The following C10orf71 variants were observed in gnomAD, a reference collection of about 807,000 sequenced individuals.
C10orf71 encodes the protein cardiac-enriched FHL2-interacting protein.
For synonymous variants in C10orf71, 758 were observed against 726.3 expected, an observed-to-expected ratio of 1.04 and a Z score of -0.70; for missense variants, 1,869 against 1,804.5, an observed-to-expected ratio of 1.04 and a Z score of -0.65.
At chr10:49,309,013 G>A (rs1223712946) in intron 1 of C10orf71, among the ~76,000 whole-genome samples, 2 of 152,194 alleles carry the variant, frequency 1.3e-5, no homozygotes, top group African/African-American at 2.4e-5. Context: ...TCACAGCTCA[G>A]TTTCATCAGC....
intron 1 of C10orf71, among the ~76,000 whole-genome samples, chr10:49,315,518 G>A (rs532094201): frequency 6.6e-6 from 1 of 152,302 alleles, no homozygotes; most frequent in South Asian, 2.1e-4. Context: ...AGTGGGAAAA[G>A]GGCCTTGAGT....
rs193003856 is a variant in C10orf71 at position 49,313,571 on chromosome 10, A to G, written c.-247-2574A>G. On this transcript the variant is annotated intron_variant, in intron 1 of 2. Coordinates refer to ENST00000374144, the MANE Select transcript of C10orf71 (RefSeq NM_001135196.2). ...AGGAATGGGCTGCTGCAGTGGCCCAAGGATTTGAGAGAGCAGCTTGGTCCA... is the reference window on the plus strand; with the variant it reads ...AGGAATGGGCTGCTGCAGTGGCCCAGGGATTTGAGAGAGCAGCTTGGTCCA... Among the ~76,000 whole-genome samples, 17 of 152,300 alleles carry G rather than the reference A, an allele frequency of 1.1e-4. No homozygotes were observed. The East Asian group carries it at 3.1e-3, about 28-fold the overall frequency.
At chr10:49,317,578 C>A (rs952745302) in intron 2 of C10orf71, among the ~76,000 whole-genome samples, 1 of 152,170 alleles carries the variant, frequency 6.6e-6, no homozygotes, top group Admixed American at 6.5e-5. Context: ...GGGCAGAGCG[C>A]AGTGGCTTAT....
chr10:49,311,396 C>A (rs889222723), intron 1 of C10orf71, among the ~76,000 whole-genome samples: 1 of 152,214 alleles, frequency 6.6e-6, no homozygotes. Context: ...CAGCCAGGAG[C>A]CCCGAGGAAG....
At position 49,324,004 on chromosome 10, in the gene C10orf71, C is replaced by A. The variant is rs750453040; in HGVS notation, c.1459C>A (p.Gln487Lys). 3.7e-6 allele frequency: 6 copies of A among 1,613,572 alleles called. No homozygotes were observed. The highest frequency in any genetic ancestry group is 3.4e-6 in the Non-Finnish European group (4 of 1,179,682). The change falls in exon 3 of 3, where the codon CAG (glutamine) becomes AAG (lysine). Residue 487 changes from glutamine to lysine, a missense_variant. Coordinates refer to ENST00000374144, the MANE Select transcript of C10orf71 (RefSeq NM_001135196.2). ...GYQEKEPSEC[Q>K]SRDSYKSKAP... ...CCAAGAGAAGGAGCCCAGTGAATGT[C>A]AGTCTCGAGACAGCTACAAGTCCAA...
chr10:49,303,319 G>A (rs1564681927), intron 1 of C10orf71, among the ~76,000 whole-genome samples: 1 of 152,170 alleles, frequency 6.6e-6, no homozygotes, highest in Non-Finnish European at 1.5e-5. Context: ...AAGCCTGAGT[G>A]GGAAAATGAT....
chr10:49,316,549 G>A lies in C10orf71; in HGVS notation c.-145+302G>A, dbSNP rs187995776. The stretch of plus-strand genomic sequence containing the variant: ...AGGATATAAACCCAGGATCAGGTAG[G>A]GTTCTTCAGCCACAAGCAACAGAAG... On this transcript the variant is annotated intron_variant, in intron 2 of 2. Coordinates refer to ENST00000374144, the MANE Select transcript of C10orf71 (RefSeq NM_001135196.2). Among the ~76,000 whole-genome samples, 3 of 152,202 alleles carry A rather than the reference G, an allele frequency of 2.0e-5. No individual in the cohort carries two copies. The East Asian group carries it at 5.8e-4, about 29-fold the overall frequency.
chr10:49,305,334 C>T (rs566928699), intron 1 of C10orf71, among the ~76,000 whole-genome samples: 2 of 152,264 alleles, frequency 1.3e-5, no homozygotes, highest in South Asian at 4.1e-4. Flanking sequence ...GTGAAAGGGA[C>T]CACTTCTCTG....
Position 49,325,916 on chromosome 10 carries a change from A to AC in C10orf71, c.3376dup (p.Leu1126ProfsTer3). Reference sequence around the variant, plus strand: ...GCCCTCGTGTGGGAGGGCGGCTCTGACCCCCTACTTGAGCTGTCGGCAGAA... The same window carrying AC: ...GCCCTCGTGTGGGAGGGCGGCTCTGACCCCCCTACTTGAGCTGTCGGCAGAA... On this transcript the variant is annotated frameshift_variant, in exon 3 of 3. Coordinates refer to ENST00000374144, the MANE Select transcript of C10orf71 (RefSeq NM_001135196.2). LOFTEE classifies it low-confidence loss of function (END_TRUNC). 2 of 1,550,422 alleles carry AC rather than the reference A, an allele frequency of 1.3e-6. No individual in the cohort carries two copies. The highest frequency in any genetic ancestry group is 1.7e-6 in the Non-Finnish European group (2 of 1,146,282).
In C10orf71 at chr10:49,324,364, G is replaced by A; in HGVS notation, c.1819G>A (p.Glu607Lys). Residue 607 changes from glutamate (E) to lysine (K), a missense_variant, in exon 3 of 3, where the codon GAG becomes AAG. By Grantham distance (56) the Glu-to-Lys change is moderately conservative (BLOSUM62 1). Coordinates refer to ENST00000374144, the MANE Select transcript of C10orf71 (RefSeq NM_001135196.2). ...IAKAPFYVNG[E>K]AAERSSYENK... ...CAAAGCCCCCTTCTATGTCAATGGG[G>A]AGGCTGCTGAGAGAAGCAGTTATGA... 6.2e-7 allele frequency: 1 copy of A among 1,613,842 alleles called. No homozygotes were observed. The highest frequency in any genetic ancestry group is 1.7e-5 in the Admixed American group (1 of 59,990).
At position 49,323,284 on chromosome 10, in the gene C10orf71, G is replaced by A. The variant is rs777875350; in HGVS notation, c.739G>A (p.Glu247Lys). The change falls in exon 3 of 3, where the codon GAG becomes AAG. Residue 247 changes from glutamate to lysine, a missense_variant. Coordinates refer to ENST00000374144, the MANE Select transcript of C10orf71 (RefSeq NM_001135196.2). ...PAANDTATLC[E>K]SKFPSPHHKP... Reference sequence around the variant, plus strand: ...AGCCAATGACACGGCCACCTTATGTGAGTCAAAGTTCCCCTCTCCACACCA... The same window carrying A: ...AGCCAATGACACGGCCACCTTATGTAAGTCAAAGTTCCCCTCTCCACACCA... 6.2e-7 allele frequency: 1 copy of A among 1,613,842 alleles called. No individual in the cohort carries two copies. Among genetic ancestry groups the A allele is most frequent in the South Asian group, 1.1e-5 (1 of 91,054 alleles).
chr10:49,317,341 C>T (rs982862221), intron 2 of C10orf71, among the ~76,000 whole-genome samples: 1 of 152,206 alleles, frequency 6.6e-6, no homozygotes, highest in African/African-American at 2.4e-5. Flanking sequence ...CACTGCCATC[C>T]TCTGCAGATT....
chr10:49,326,694 G>A lies in C10orf71; in HGVS notation c.4149G>A (p.Gln1383=). ...RTQSVHESGL[Q]LDPGPHGDCT... The stretch of plus-strand genomic sequence containing the variant: ...AGAGTGTCCACGAGTCTGGACTACA[G>A]CTGGACCCAGGGCCTCACGGTGACT... The change falls in exon 3 of 3, where the codon CAG becomes CAA. Residue 1383 remains glutamine (Q), a synonymous_variant. Transcript: ENST00000374144. 3.2e-6 allele frequency: 5 copies of A among 1,551,108 alleles called. No homozygotes were observed. The highest frequency in any genetic ancestry group is 3.5e-6 in the Non-Finnish European group (4 of 1,146,986).
rs753018084 is a variant in C10orf71 at position 49,326,154 on chromosome 10, G to C, written c.3609G>C (p.Glu1203Asp). 1.1e-5 allele frequency: 17 copies of C among 1,551,700 alleles called. No individual in the cohort carries two copies. Among genetic ancestry groups the C allele is most frequent in the Non-Finnish European group, 1.5e-5 (17 of 1,146,994 alleles). Residue 1203 changes from glutamate to aspartate, a missense_variant, in exon 3 of 3, where the codon GAG becomes GAC. Physicochemically the swap from Glu to Asp is conservative, Grantham distance 45 (BLOSUM62 2). Coordinates refer to ENST00000374144, the MANE Select transcript of C10orf71 (RefSeq NM_001135196.2). ...ATCAGGCTCAGGAGAAGCATGGCGAGTCACAGGAGGGAAAGCCCTGCCCGG... is the reference window on the plus strand; with the variant it reads ...ATCAGGCTCAGGAGAAGCATGGCGACTCACAGGAGGGAAAGCCCTGCCCGG... Reference protein sequence around the residue: ...KTDQAQEKHGESQEGKPCPED... With the variant: ...KTDQAQEKHGDSQEGKPCPED...
chr10:49,326,349 C>T lies in C10orf71; in HGVS notation c.3804C>T (p.Pro1268=), dbSNP rs563537830. 21 of 1,550,354 alleles carry T rather than the reference C, an allele frequency of 1.4e-5. No individual in the cohort carries two copies. In the East Asian group the frequency reaches 2.9e-4, roughly 22 times the overall value. ...GCCCCCAGTCCCTCACACCCCTGCCCGCGTACCCCGCCACCCAGAAGGTCC... is the reference window on the plus strand; with the variant it reads ...GCCCCCAGTCCCTCACACCCCTGCCTGCGTACCCCGCCACCCAGAAGGTCC... ...PGGPQSLTPL[P]AYPATQKVLQ... The change falls in exon 3 of 3, where the codon CCC becomes CCT. Residue 1268 remains proline, a synonymous_variant. Transcript: ENST00000374144.
intron 2 of C10orf71, among the ~76,000 whole-genome samples, chr10:49,319,457 G>A (rs1849053850): frequency 1.3e-5 from 2 of 152,018 alleles, no homozygotes; most frequent in African/African-American, 4.8e-5. Context: ...AAACAGTCTA[G>A]AAGTTCCTTA....
chr10:49,326,678 A>G lies in C10orf71; in HGVS notation c.4133A>G (p.His1378Arg). Reference protein sequence around the residue: ...SAARARTQSVHESGLQLDPGP... With the variant: ...SAARARTQSVRESGLQLDPGP... ...GCCCGCGCCAGGACCCAGAGTGTCCACGAGTCTGGACTACAGCTGGACCCA... is the reference window on the plus strand; with the variant it reads ...GCCCGCGCCAGGACCCAGAGTGTCCGCGAGTCTGGACTACAGCTGGACCCA... Residue 1378 changes from histidine (H) to arginine (R), a missense_variant, in exon 3 of 3, where the codon CAC (histidine) becomes CGC (arginine). Physicochemically the swap from His to Arg is conservative, Grantham distance 29. Transcript: ENST00000374144. The G allele has an allele frequency of 6.4e-7, 1 of 1,550,876 alleles. No individual in the cohort carries two copies. Among genetic ancestry groups the G allele is most frequent in the Non-Finnish European group, 8.7e-7 (1 of 1,146,960 alleles).
At chr10:49,307,631 A>G (rs1055751123) in intron 1 of C10orf71, among the ~76,000 whole-genome samples, 37 of 152,236 alleles carry the variant, frequency 2.4e-4, no homozygotes, top group Non-Finnish European at 4.9e-4. Flanking sequence ...TGCAAGGCCC[A>G]CTGAGCACAC....
chr10:49,323,063 C>T lies in C10orf71; in HGVS notation c.518C>T (p.Pro173Leu). 1.9e-6 allele frequency: 3 copies of T among 1,614,010 alleles called. No individual in the cohort carries two copies. The highest frequency in any genetic ancestry group is 2.5e-6 in the Non-Finnish European group (3 of 1,179,884). Residue 173 changes from proline (P) to leucine (L), a missense_variant, in exon 3 of 3, where the codon CCT (proline) becomes CTT (leucine). Transcript: ENST00000374144. ...AGCAAGCCTCCGGCTCTGAAAAATC[C>T]TCCCAAATTCGCTCCTCTTCCAGAA... ...TASKPPALKN[P>L]PKFAPLPENS...
Sources: allele counts gnomAD v4.1 joint callset (sites outside exome capture counted in the v4.1 genomes callset), GRCh38; gene constraint gnomAD v4.1.1; transcripts MANE v1.5; gene names NCBI Gene and HGNC (gene_info 2026-07-23, HGNC 2026-07-21).